The following PCDH11X variants were observed in gnomAD, a reference collection of about 807,000 sequenced individuals.
PCDH11X encodes protocadherin-11 X-linked.
A neutral mutation model predicts 53.3 loss-of-function variants in PCDH11X; 18 were observed. That is an observed-to-expected ratio of 0.34 (90% confidence interval 0.23 to 0.50). The LOEUF (loss-of-function observed/expected upper bound fraction) is 0.50, where lower values mean the gene tolerates loss of function less well. PCDH11X is among the 20% of genes least tolerant of loss of function. The pLI, the probability that PCDH11X is intolerant of heterozygous loss-of-function variation, is 0.98. For synonymous variants in PCDH11X, 279 were observed against 393.3 expected (o/e 0.71, Z 3.44); for missense variants, 570 against 1,032.4 (o/e 0.55, Z 6.14).
intron 4 of PCDH11X, among the ~76,000 whole-genome samples, chrX:91,816,998 G>A (rs764695388): frequency 3.7e-5 from 4 of 106,861 alleles, no homozygotes; most frequent in Non-Finnish European, 5.8e-5. Context: ...GGTGATAAAT[G>A]AGAAGAACAT....
At chrX:92,252,067 G>T (rs147019632) in intron 7 of PCDH11X, among the ~76,000 whole-genome samples, 130 of 110,965 alleles carry the variant, frequency 1.2e-3, no homozygotes, top group African/African-American at 4.0e-3. Flanking sequence ...CAAATGTTGA[G>T]AATAAAATTT....
At chrX:92,280,231 G>A (rs749738421) in intron 8 of PCDH11X, among the ~76,000 whole-genome samples, 1 of 111,681 alleles carries the variant, frequency 9.0e-6, no homozygotes, top group Admixed American at 9.5e-5. Context: ...TGAAGACATT[G>A]CCTAATGATG....
chrX:92,139,577 C>G (rs951053664), intron 6 of PCDH11X, among the ~76,000 whole-genome samples: 2 of 109,596 alleles, frequency 1.8e-5, no homozygotes, highest in African/African-American at 6.6e-5. Flanking sequence ...CAAGTCTAAT[C>G]AAAACGACAG....
intron 8 of PCDH11X, among the ~76,000 whole-genome samples, chrX:92,342,347 C>T (rs2069783915): frequency 9.1e-6 from 1 of 109,773 alleles, no homozygotes; most frequent in Non-Finnish European, 1.9e-5. Context: ...AACCCCATTA[C>T]TGAGTATAGA....
At chrX:92,338,225 A>G (rs1391532371) in intron 8 of PCDH11X, among the ~76,000 whole-genome samples, 1 of 112,099 alleles carries the variant, frequency 8.9e-6, no homozygotes, top group Non-Finnish European at 1.9e-5. Context: ...AACTGTCTTA[A>G]GTAAATGTTA....
At chrX:91,859,818 CTA>C (rs1938561076) in intron 5 of PCDH11X, among the ~76,000 whole-genome samples, 1 of 106,033 alleles carries the variant, frequency 9.4e-6, no homozygotes, top group African/African-American at 3.4e-5. Context: ...TTGCATTTGT[CTA>C]TGTTTCTGTT....
chrX:92,487,464 C>A (rs1242060725), intron 10 of PCDH11X, among the ~76,000 whole-genome samples: 1 of 110,407 alleles, frequency 9.1e-6, no homozygotes, highest in African/African-American at 3.3e-5. Flanking sequence ...GTTAACATAC[C>A]TGAATCCTAA....
At chrX:92,314,519 AATT>A (rs1438580546) in intron 8 of PCDH11X, among the ~76,000 whole-genome samples, 1 of 111,911 alleles carries the variant, frequency 8.9e-6, no homozygotes, top group Non-Finnish European at 1.9e-5. Flanking sequence ...CATAATTGTT[AATT>A]ATTATTATCA....
intron 10 of PCDH11X, among the ~76,000 whole-genome samples, chrX:92,476,307 G>C (rs1263860961): frequency 9.0e-6 from 1 of 111,602 alleles, no homozygotes; most frequent in African/African-American, 3.3e-5. Context: ...TTTATCAGCA[G>C]TGTGAGAATG....
intron 8 of PCDH11X, among the ~76,000 whole-genome samples, chrX:92,269,615 C>G (rs1261315872): frequency 9.0e-6 from 1 of 111,445 alleles, no homozygotes; most frequent in Non-Finnish European, 1.9e-5. Flanking sequence ...CTCATTTATT[C>G]CCTCTGAAAT....
intron 8 of PCDH11X, among the ~76,000 whole-genome samples, chrX:92,267,577 G>A (rs1170715028): frequency 8.9e-6 from 1 of 111,967 alleles, no homozygotes; most frequent in African/African-American, 3.2e-5. Context: ...CATTTTGCTG[G>A]TGTCTCCAAG....
intron 7 of PCDH11X, among the ~76,000 whole-genome samples, chrX:92,228,684 G>A (rs2067014301): frequency 1.8e-5 from 2 of 111,495 alleles, no homozygotes; most frequent in Admixed American, 9.6e-5. Context: ...GTTCAATAAT[G>A]CATGTGAAGT....
intron 6 of PCDH11X, among the ~76,000 whole-genome samples, chrX:92,095,100 C>T (rs762232732): frequency 1.2e-4 from 13 of 111,033 alleles, no homozygotes; most frequent in African/African-American, 3.9e-4. Flanking sequence ...TCCGAGTCCT[C>T]CTATCCCCTA....
At chrX:91,828,918 T>A (rs746250982) in intron 4 of PCDH11X, among the ~76,000 whole-genome samples, 1 of 110,860 alleles carries the variant, frequency 9.0e-6, no homozygotes, top group Admixed American at 9.5e-5. Context: ...TTGGATCTTG[T>A]TTTTAGCCAT....
intron 6 of PCDH11X, among the ~76,000 whole-genome samples, chrX:91,996,441 G>C (rs1423660116): frequency 1.2e-5 from 1 of 80,317 alleles, no homozygotes; most frequent in Non-Finnish European, 2.3e-5. Context: ...GAGCCACCAC[G>C]CCCAACCCTT....
chrX:91,935,702 C>T (rs1300421948), intron 6 of PCDH11X, among the ~76,000 whole-genome samples: 1 of 110,570 alleles, frequency 9.0e-6, no homozygotes, highest in African/African-American at 3.3e-5. Flanking sequence ...CCTGATGCCA[C>T]GTGCCAAGGT....
chrX:92,231,999 G>A (rs773362730), intron 7 of PCDH11X, among the ~76,000 whole-genome samples: 1 of 111,656 alleles, frequency 9.0e-6, no homozygotes, highest in East Asian at 2.8e-4. Context: ...GAGATTTGCG[G>A]AACTATTCGG....
intron 9 of PCDH11X, among the ~76,000 whole-genome samples, chrX:92,452,467 A>ATATATATATG: frequency 4.5e-5 from 1 of 22,127 alleles, no homozygotes; most frequent in South Asian, 1.8e-3. Context: ...GTGTGTGTAT[A>ATATATATATG]TATATATATA....
intron 6 of PCDH11X, among the ~76,000 whole-genome samples, chrX:91,901,507 T>C (rs34261265): frequency 0.27 from 29,930 of 110,574 alleles, 3,172 homozygotes; most frequent in African/African-American, 0.39. Context: ...TTTCACATTC[T>C]TTCTCCATAG....
Sources: allele counts gnomAD v4.1 joint callset (sites outside exome capture counted in the v4.1 genomes callset), GRCh38; gene constraint gnomAD v4.1.1; transcripts MANE v1.5; gene names NCBI Gene and HGNC (gene_info 2026-07-23, HGNC 2026-07-21).